The following LY75 variants were observed in gnomAD, a reference collection of about 807,000 sequenced individuals.
LY75 encodes lymphocyte antigen 75, also known as C-type lectin domain family 13 member B.
LY75 carries 185 observed loss-of-function variants against 231.7 expected under a neutral mutation model. That is an observed-to-expected ratio of 0.80 (90% confidence interval 0.71 to 0.90). The LOEUF is 0.90. LY75 is among the 40% of genes least tolerant of loss of function. LY75 has a pLI of 0.00. For synonymous variants in LY75, 668 were observed against 689.0 expected, an observed-to-expected ratio of 0.97 and a Z score of 0.48; for missense variants, 1,947 against 2,050.2, an observed-to-expected ratio of 0.95 and a Z score of 0.97.
intron 23 of LY75, among the ~76,000 whole-genome samples, chr2:159,845,549 AT>A (rs1560077999): frequency 1.3e-5 from 2 of 151,360 alleles, no homozygotes; most frequent in Admixed American, 6.6e-5. Context: ...TTGAGAAAAA[AT>A]TTTTTTTGTC....
chr2:159,902,492 C>A (rs909304765), intron 1 of LY75: 1 of 152,224 alleles, frequency 6.6e-6, no homozygotes, highest in African/African-American at 2.4e-5. Flanking sequence ...AAGAGCTTCA[C>A]ACATTCCAAA....
rs540814619 is a variant in LY75 at position 159,856,894 on chromosome 2, G to C, written c.2383+1468C>G. On this transcript the variant is annotated intron_variant, in intron 16 of 34. Coordinates refer to ENST00000263636, the MANE Select transcript of LY75 (RefSeq NM_002349.4). ...TGCCCTTGTTTAAACTCTGGGGTCT[G>C]CTCCACTGCTCAAACAGGAGGTGGG... 8.1e-4 allele frequency among the ~76,000 whole-genome samples: 124 copies of C among 152,222 alleles called. 1 individual carries two copies. The highest frequency in any genetic ancestry group is 2.8e-3 in the African/African-American group (118 of 41,536).
rs36120198 is a variant in LY75, at chr2:159,819,934, A to AT, written c.3959-15dup. ...TAAGAGACTTATCTAGAGAAGAAAC[A>AT]TTTTTTCCTATGCTTAGAGATTAAA... On this transcript the variant is annotated splice_polypyrimidine_tract_variant and intron_variant, in intron 28 of 34. Transcript: ENST00000263636. 1,132,283 of 1,570,836 alleles carry AT rather than the reference A, an allele frequency of 0.72. 411,439 individuals are homozygous for AT. Among genetic ancestry groups the AT allele is most frequent in the East Asian group, 0.9 (39,921 of 44,232 alleles).
intron 11 of LY75, 95 bp from the exon 12 acceptor site, chr2:159,875,738 G>T (rs1357414551): frequency 3.4e-6 from 5 of 1,455,954 alleles, no homozygotes; most frequent in Non-Finnish European, 4.6e-6. Context: ...AAGTTGGGGA[G>T]AGAGAATAAA....
chr2:159,904,468 C>G (rs1039249555), intron 1 of LY75, 121 bp downstream of exon 1: 3 of 1,142,064 alleles, frequency 2.6e-6, no homozygotes, highest in African/African-American at 3.3e-5. Context: ...AGCCCCCCCG[C>G]CCCAACAGCA....
chr2:159,831,606 T>G, intron 28 of LY75, 64 bp downstream of exon 28: 2 of 1,546,010 alleles, frequency 1.3e-6, no homozygotes, highest in Non-Finnish European at 1.8e-6. Flanking sequence ...GAACTATGGC[T>G]TGATAATTAT....
chr2:159,811,044 T>G (rs1682944027), intron 31 of LY75, among the ~76,000 whole-genome samples: 1 of 152,178 alleles, frequency 6.6e-6, no homozygotes, highest in South Asian at 2.1e-4. Flanking sequence ...TTGTTTATTA[T>G]TATTTTTTTT....
Position 159,835,505 on chromosome 2 carries a change from T to C in LY75, c.3648A>G (p.Pro1216=), listed in dbSNP as rs1407069533. 1.2e-6 allele frequency: 2 copies of C among 1,608,744 alleles called. No homozygotes were observed. Among genetic ancestry groups the C allele is most frequent in the East Asian group, 2.2e-5 (1 of 44,626 alleles). ...WKTVDCNDNQ[P]GAICYYSGNE... is the part of the protein sequence containing the mutation. ...TTCCTGAATAGTAGCAAATAGCACC[T>C]GGTTGATTGTCATTGCAATCAACTG... Residue 1216 remains proline, a synonymous_variant, in exon 26 of 35, where the codon CCA becomes CCG. Coordinates refer to ENST00000263636, the MANE Select transcript of LY75 (RefSeq NM_002349.4).
chr2:159,817,063 A>G, intron 29 of LY75, 31 bp from the exon 30 acceptor site: 1 of 1,530,162 alleles, frequency 6.5e-7, no homozygotes, highest in Non-Finnish European at 8.8e-7. Context: ...GGTGATTAAA[A>G]TTTAAATTAT....
At chr2:159,815,152 C>T (rs958863319) in intron 31 of LY75, among the ~76,000 whole-genome samples, 11 of 152,086 alleles carry the variant, frequency 7.2e-5, no homozygotes, top group Admixed American at 3.3e-4. Flanking sequence ...AGGCGCCCGC[C>T]ACCATGCCCA....
At chr2:159,875,329 G>A in intron 12 of LY75, 115 bp downstream of exon 12, 1 of 1,399,154 alleles carries the variant, frequency 7.1e-7, no homozygotes, top group Non-Finnish European at 9.5e-7. Context: ...GTGCTCCAGA[G>A]CACTTTAGTT....
At chr2:159,843,883 A>T (rs143610136) in intron 23 of LY75, among the ~76,000 whole-genome samples, 164 of 152,344 alleles carry the variant, frequency 1.1e-3, no homozygotes, top group African/African-American at 3.7e-3. Context: ...TATACAACAC[A>T]TGCATGCATT....
intron 3 of LY75, 36 bp downstream of exon 3, chr2:159,893,878 T>C: frequency 6.4e-7 from 1 of 1,570,476 alleles, no homozygotes; most frequent in East Asian, 2.3e-5. Context: ...ATAAATGTAC[T>C]ACCTTTCCAC....
rs758025891 is a variant in LY75, at chr2:159,882,264, T to C, written c.1106A>G (p.Asn369Ser). The C allele has an allele frequency of 1.2e-6, 2 of 1,614,042 alleles. No homozygotes were observed. Among genetic ancestry groups the C allele is most frequent in the South Asian group, 1.1e-5 (1 of 91,084 alleles). ...TRCDAGWLPN[N>S]GFCYLLVNES... The stretch of plus-strand genomic sequence containing the variant: ...ATTTACCAGCAGATAGCAAAATCCA[T>C]TATTTGGCAGCCAGCCTGCATCACA... The change falls in exon 7 of 35, where the codon AAT becomes AGT. Residue 369 changes from asparagine to serine, a missense_variant. By Grantham distance (46) the Asn-to-Ser change is conservative. Transcript: ENST00000263636.
chr2:159,827,685 T>G (rs1037865019), intron 28 of LY75, among the ~76,000 whole-genome samples: 2 of 152,106 alleles, frequency 1.3e-5, no homozygotes, highest in Non-Finnish European at 2.9e-5. Context: ...ACTATTCCAA[T>G]AGCAAAGACT....
intron 1 of LY75, among the ~76,000 whole-genome samples, chr2:159,904,216 CGG>C (rs1266872563): frequency 6.6e-6 from 1 of 152,108 alleles, no homozygotes. Flanking sequence ...ACGGGAGGGA[CGG>C]GACGCAAGAG....
At chr2:159,826,526 AC>A (rs1223653537) in intron 28 of LY75, among the ~76,000 whole-genome samples, 1 of 152,208 alleles carries the variant, frequency 6.6e-6, no homozygotes, top group African/African-American at 2.4e-5. Flanking sequence ...AAATGGCCAT[AC>A]TGCCCAAAGT....
At chr2:159,807,997 A>T in intron 33 of LY75, 2 of 927,758 alleles carry the variant, frequency 2.2e-6, no homozygotes, top group Non-Finnish European at 2.6e-6. Context: ...TTAAGACATA[A>T]TTTTAACCAG....
intron 26 of LY75, among the ~76,000 whole-genome samples, chr2:159,834,676 C>A (rs1683767112): frequency 6.6e-6 from 1 of 152,106 alleles, no homozygotes; most frequent in African/African-American, 2.4e-5. Flanking sequence ...CCAAGTCAAA[C>A]AAAAATAATA....
Sources: gnomAD v4.1 joint callset for allele counts (sites outside exome capture counted in the v4.1 genomes callset) on GRCh38, gnomAD v4.1.1 for gene constraint, MANE v1.5 for transcripts, NCBI Gene and HGNC (gene_info 2026-07-23, HGNC 2026-07-21) for gene names.